The following MOK variants were observed in gnomAD, a reference collection of about 807,000 sequenced individuals.
The protein encoded by MOK is MOK protein kinase, also known as MAPK/MAK/MRK overlapping kinase.
MOK carries 59 observed loss-of-function variants against 54.2 expected under a neutral mutation model. That is an observed-to-expected ratio of 1.09 (90% CI 0.88 to 1.35). The LOEUF (loss-of-function observed/expected upper bound fraction) is 1.35, where lower values mean the gene tolerates loss of function less well. Ranked by LOEUF, MOK falls within the 40% of genes most tolerant of loss-of-function variation. The pLI, the probability that MOK is intolerant of heterozygous loss-of-function variation, is 0.00. For missense variants in MOK, 517 were observed against 526.2 expected, an observed-to-expected ratio of 0.98 and a Z score of 0.17; for synonymous variants, 210 against 202.7, an observed-to-expected ratio of 1.04 and a Z score of -0.31.
chr14:102,234,949 C>G (rs1016331152), intron 7 of MOK: 9 of 152,532 alleles, frequency 5.9e-5, no homozygotes, highest in African/African-American at 1.9e-4. Flanking sequence ...GCTCCAAACC[C>G]GACTCACCTC....
downstream of MOK, chr14:102,222,686 A>G (rs1449004853): frequency 1.3e-6 from 1 of 782,368 alleles, no homozygotes; most frequent in African/African-American, 1.7e-5. The surrounding 1 kb of genome is among the most constrained non-coding windows in gnomAD (Gnocchi z 4.4). Flanking sequence ...AATTAAATAG[A>G]TGAAGTGGAG....
chr14:102,248,971 G>A (rs2066314664), intron 7 of MOK, among the ~76,000 whole-genome samples: 1 of 151,786 alleles, frequency 6.6e-6, no homozygotes, highest in Non-Finnish European at 1.5e-5. Flanking sequence ...ATGGCCATGG[G>A]TCTCTCCATT....
rs368510199 is a variant in MOK at position 102,273,948 on chromosome 14, G to GT, written c.123-8037dup. Among the ~76,000 whole-genome samples the GT allele has an allele frequency of 4.7e-3, 718 of 151,178 alleles. 6 individuals are homozygous for GT. The highest frequency in any genetic ancestry group is 0.016 in the African/African-American group (657 of 41,198). On this transcript the variant is annotated intron_variant, in intron 2 of 11. Transcript: ENST00000361847. ...TACAATCCTATTCATAATCTCAATA[G>GT]TTTTTTTTTGTTTTGTTTTTCTTTT...
intron 1 of MOK, among the ~76,000 whole-genome samples, chr14:102,288,849 C>T (rs949081502): frequency 5.9e-5 from 9 of 152,174 alleles, no homozygotes; most frequent in African/African-American, 2.2e-4. Flanking sequence ...AAGCAGGTTT[C>T]ATTGGCATGT....
At chr14:102,241,890 A>G (rs765973203) in intron 7 of MOK, among the ~76,000 whole-genome samples, 3 of 152,228 alleles carry the variant, frequency 2.0e-5, no homozygotes, top group Non-Finnish European at 2.9e-5. Context: ...TGCCTCCCCA[A>G]GGATCTTACT....
At chr14:102,281,769 T>C (rs551751345) in intron 2 of MOK, among the ~76,000 whole-genome samples, 30 of 152,082 alleles carry the variant, frequency 2.0e-4, no homozygotes, top group Non-Finnish European at 3.2e-4. Flanking sequence ...TACGGGATAA[T>C]CAGTATACTG....
chr14:102,251,550 T>C (rs1489131657), intron 6 of MOK: 1 of 646,178 alleles, frequency 1.5e-6, no homozygotes, highest in South Asian at 1.5e-5. Context: ...TTTCAATTAT[T>C]TTCTTCCAGG....
chr14:102,236,161 C>G lies in MOK; in HGVS notation c.591-2372G>C, dbSNP rs2065203810. 6.6e-6 allele frequency among the ~76,000 whole-genome samples: 1 copy of G among 152,198 alleles called. No homozygotes were observed. The highest frequency in any genetic ancestry group is 2.4e-5 in the African/African-American group (1 of 41,456). ...CTCCTCAGAGCCACCACCCCTTTAACAAGACAAAAAGTGAAGAACCGCTTG... is the reference window on the plus strand; with the variant it reads ...CTCCTCAGAGCCACCACCCCTTTAAGAAGACAAAAAGTGAAGAACCGCTTG... On this transcript the variant is annotated intron_variant, in intron 7 of 11. Transcript: ENST00000361847. The surrounding 1 kb of genome is among the most constrained non-coding windows in gnomAD (Gnocchi z 4.5).
At chr14:102,265,620 G>T (rs2067835861) in intron 3 of MOK, among the ~76,000 whole-genome samples, 1 of 151,982 alleles carries the variant, frequency 6.6e-6, no homozygotes. Context: ...GACAGAGAGA[G>T]AGACTCCTTC....
At chr14:102,250,018 C>T (rs1229701909) in intron 7 of MOK, among the ~76,000 whole-genome samples, 1 of 152,174 alleles carries the variant, frequency 6.6e-6, no homozygotes, top group Non-Finnish European at 1.5e-5. Flanking sequence ...GACCTGGGCT[C>T]ATGGGAAGGG....
In MOK at chr14:102,283,559, G is replaced by A. The variant is rs746409818; in HGVS notation, c.41C>T (p.Thr14Met). 4.4e-5 allele frequency: 71 copies of A among 1,612,996 alleles called. No individual in the cohort carries two copies. The Middle Eastern group carries it at 6.6e-4, about 15-fold the overall frequency. ...YKAIGKIGEG[T>M]FSEVMKMQSL... ...TTGCATCTTCATAACTTCAGAAAAC[G>A]TTCCCTCTCCTATTTTGCCAATTGC... The change falls in exon 2 of 12, where the codon ACG (threonine) becomes ATG (methionine). Residue 14 changes from threonine (T) to methionine (M), a missense_variant. Transcript: ENST00000361847.
Position 102,229,007 on chromosome 14 carries a change from A to T in MOK, c.*282T>A, listed in dbSNP as rs1225025829. The T allele has an allele frequency of 2.2e-6, 1 of 462,648 alleles. No individual in the cohort carries two copies. The highest frequency in any genetic ancestry group is 3.9e-5 in the Admixed American group (1 of 25,374). 28.7% of individuals were successfully genotyped at this position (462,648 alleles called of 1,614,324 possible). The stretch of plus-strand genomic sequence containing the variant: ...AATGCCTGCTCGTTTGTTTTGATTC[A>T]TATACAAAGTTACAAAGTATTTCCT... On this transcript the variant is annotated 3_prime_UTR_variant, in exon 12 of 12. Transcript: ENST00000361847.
chr14:102,233,615 G>T, intron 8 of MOK, 73 bp downstream of exon 8: 1 of 1,352,696 alleles, frequency 7.4e-7, no homozygotes, highest in Non-Finnish European at 1.1e-6. Flanking sequence ...GGGAGGCACA[G>T]GGAGGGGCTT....
At chr14:102,276,661 C>T (rs2068891022) in intron 2 of MOK, among the ~76,000 whole-genome samples, 2 of 151,498 alleles carry the variant, frequency 1.3e-5, no homozygotes, top group African/African-American at 2.4e-5. Context: ...TGTGATGGTG[C>T]ATGCCTGTAA....
At chr14:102,281,607 T>TG (rs35648435) in intron 2 of MOK, among the ~76,000 whole-genome samples, 44,656 of 150,250 alleles carry the variant, frequency 0.3, 8,330 homozygotes, top group African/African-American at 0.54. Flanking sequence ...TGTTTTTTTG[T>TG]GTTTTTTTTT....
At chr14:102,250,561 C>A (rs985580304) in intron 7 of MOK, among the ~76,000 whole-genome samples, 1 of 152,164 alleles carries the variant, frequency 6.6e-6, no homozygotes, top group Non-Finnish European at 1.5e-5. Context: ...GAGGCAGCTG[C>A]CCACACCACC....
chr14:102,290,857 G>A (rs1169866022), intron 1 of MOK, among the ~76,000 whole-genome samples: 10 of 152,168 alleles, frequency 6.6e-5, no homozygotes, highest in Non-Finnish European at 1.2e-4. Flanking sequence ...CATATGAGAT[G>A]AGTCTCCAAA....
intron 7 of MOK, among the ~76,000 whole-genome samples, chr14:102,239,274 G>C (rs1214069168): frequency 6.6e-6 from 1 of 151,282 alleles, no homozygotes; most frequent in African/African-American, 2.4e-5. Context: ...GAAGTCCAGA[G>C]GCCCTGGACT....
At chr14:102,297,630 C>T (rs994221133) in intron 1 of MOK, among the ~76,000 whole-genome samples, 17 of 152,202 alleles carry the variant, frequency 1.1e-4, no homozygotes, top group African/African-American at 3.1e-4. Flanking sequence ...GGGCCAGAGC[C>T]GGCTCCCTCA....
Sources: gnomAD v4.1 joint callset for allele counts (sites outside exome capture counted in the v4.1 genomes callset) on GRCh38, gnomAD v4.1.1 for gene constraint, Gnocchi (gnomAD v3.1) non-coding constraint, MANE v1.5 for transcripts, NCBI Gene and HGNC (gene_info 2026-07-23, HGNC 2026-07-21) for gene names.